The following DPT variants were observed in gnomAD, a reference collection of about 807,000 sequenced individuals.
DPT encodes the protein dermatopontin.
In DPT, 21 loss-of-function variants were observed where a neutral mutation model predicts 31.2. That is an observed-to-expected ratio of 0.67 (90% CI 0.48 to 0.97). The LOEUF is 0.97. DPT is among the 50% of genes least tolerant of loss of function. The pLI, the probability that DPT is intolerant of heterozygous loss-of-function variation, is 0.00. For missense variants in DPT, 262 were observed against 258.8 expected, an observed-to-expected ratio of 1.01 and a Z score of -0.08; for synonymous variants, 91 against 86.9, an observed-to-expected ratio of 1.05 and a Z score of -0.26.
chr1:168,722,351 G>T lies in DPT; in HGVS notation c.305+6519C>A, dbSNP rs367832983. ...AAAAGCAAAATGATATATTTCAGAGGCTCTGTAATCTAGCAATTTGGTTTT... is the reference window on the plus strand; with the variant it reads ...AAAAGCAAAATGATATATTTCAGAGTCTCTGTAATCTAGCAATTTGGTTTT... On this transcript the variant is annotated intron_variant, in intron 1 of 3. Coordinates refer to ENST00000367817, the MANE Select transcript of DPT (RefSeq NM_001937.5). Among the ~76,000 whole-genome samples, 146 of 152,168 alleles carry T rather than the reference G, an allele frequency of 9.6e-4. 1 individual carries two copies. The highest frequency in any genetic ancestry group is 9.5e-3 in the Admixed American group (145 of 15,288).
At chr1:168,720,815 G>A (rs558690944) in intron 1 of DPT, among the ~76,000 whole-genome samples, 1 of 152,216 alleles carries the variant, frequency 6.6e-6, no homozygotes, top group Non-Finnish European at 1.5e-5. Flanking sequence ...CTTTCTTTTA[G>A]AGTAAAGCTT....
intron 1 of DPT, among the ~76,000 whole-genome samples, chr1:168,722,769 G>T (rs569618318): frequency 3.3e-5 from 5 of 152,082 alleles, no homozygotes; most frequent in African/African-American, 9.6e-5. Flanking sequence ...GGTAGTAGTG[G>T]GGTCAGTGGG....
intron 1 of DPT, among the ~76,000 whole-genome samples, chr1:168,716,886 A>C (rs1436583413): frequency 6.6e-6 from 1 of 152,180 alleles, no homozygotes; most frequent in Non-Finnish European, 1.5e-5. Context: ...ACATGATCTC[A>C]TTCATTTTTA....
intron 3 of DPT, among the ~76,000 whole-genome samples, chr1:168,697,345 G>A (rs976934692): frequency 5.3e-5 from 8 of 152,326 alleles, no homozygotes; most frequent in African/African-American, 1.9e-4. Context: ...TATGCTGAGT[G>A]CTCACCATGC....
At chr1:168,704,942 G>A (rs562959610) in intron 2 of DPT, among the ~76,000 whole-genome samples, 66 of 152,282 alleles carry the variant, frequency 4.3e-4, no homozygotes, top group African/African-American at 1.5e-3. Context: ...ATCATAGACT[G>A]AGCTGCTGCT....
chr1:168,696,632 C>A lies in DPT; in HGVS notation c.540-17G>T. ...TGGCGATCCCTGTGGGAGGGAGAGT[C>A]AGAAAATGAATGTCAGTGAGAAAGG... On this transcript the variant is annotated splice_polypyrimidine_tract_variant and intron_variant, in intron 3 of 3. Coordinates refer to ENST00000367817, the MANE Select transcript of DPT (RefSeq NM_001937.5). The A allele has an allele frequency of 6.2e-7, 1 of 1,611,810 alleles. No homozygotes were observed. The highest frequency in any genetic ancestry group is 8.5e-7 in the Non-Finnish European group (1 of 1,178,346).
chr1:168,714,898 C>T (rs1316222047), intron 1 of DPT, among the ~76,000 whole-genome samples: 2 of 152,228 alleles, frequency 1.3e-5, no homozygotes, highest in Non-Finnish European at 2.9e-5. Context: ...CAGGGCAGCC[C>T]AGTAGGAAAG....
intron 1 of DPT, among the ~76,000 whole-genome samples, chr1:168,725,073 G>A (rs1650208233): frequency 6.6e-6 from 1 of 152,202 alleles, no homozygotes; most frequent in Non-Finnish European, 1.5e-5. Flanking sequence ...TGCCCATGAT[G>A]TGCTAGGCAT....
intron 1 of DPT, among the ~76,000 whole-genome samples, chr1:168,722,700 G>A (rs1330826030): frequency 6.6e-6 from 1 of 152,134 alleles, no homozygotes; most frequent in Non-Finnish European, 1.5e-5. Flanking sequence ...AACAGTTCTA[G>A]GGAGGTGTGT....
intron 1 of DPT, among the ~76,000 whole-genome samples, chr1:168,721,654 A>C (rs1469302817): frequency 6.6e-6 from 1 of 152,200 alleles, no homozygotes; most frequent in Non-Finnish European, 1.5e-5. Flanking sequence ...TGACAATTCC[A>C]AATCATACTA....
chr1:168,718,343 T>G (rs917567038), intron 1 of DPT, among the ~76,000 whole-genome samples: 1 of 152,248 alleles, frequency 6.6e-6, no homozygotes, highest in African/African-American at 2.4e-5. Context: ...CTGGCCCCAG[T>G]GCCTGTACGG....
chr1:168,728,009 G>T (rs1469516758), intron 1 of DPT, among the ~76,000 whole-genome samples: 2 of 152,042 alleles, frequency 1.3e-5, no homozygotes, highest in African/African-American at 4.8e-5. Flanking sequence ...CTCCATCTAG[G>T]CTGTTGTAAA....
At chr1:168,714,433 C>A in intron 1 of DPT, 87 bp from the exon 2 acceptor site, 1 of 1,492,830 alleles carries the variant, frequency 6.7e-7, no homozygotes, top group South Asian at 1.2e-5. Context: ...GTTACACACT[C>A]TTTCTCTGAC....
chr1:168,708,622 G>A lies in DPT; in HGVS notation c.431+5599C>T, dbSNP rs147139231. On this transcript the variant is annotated intron_variant, in intron 2 of 3. Coordinates refer to ENST00000367817, the MANE Select transcript of DPT (RefSeq NM_001937.5). Reference sequence around the variant, plus strand: ...CTAGGGTACATGTGCACAATGTGCAGTTTGTTACATATGTATACATGCGCC... The same window carrying A: ...CTAGGGTACATGTGCACAATGTGCAATTTGTTACATATGTATACATGCGCC... Among the ~76,000 whole-genome samples the A allele has an allele frequency of 3.6e-3, 550 of 152,248 alleles. 2 individuals are homozygous for A. The highest frequency in any genetic ancestry group is 0.01 in the African/African-American group (436 of 41,550).
At chr1:168,702,091 C>T (rs1649611260) in intron 2 of DPT, among the ~76,000 whole-genome samples, 1 of 152,174 alleles carries the variant, frequency 6.6e-6, no homozygotes, top group African/African-American at 2.4e-5. Flanking sequence ...CCACTGGAAC[C>T]TTCAGGACCA....
intron 2 of DPT, among the ~76,000 whole-genome samples, chr1:168,711,698 TG>T (rs1463535940): frequency 6.6e-6 from 1 of 152,212 alleles, no homozygotes; most frequent in African/African-American, 2.4e-5. Flanking sequence ...TTGAATGTCC[TG>T]TTAGTTGGTG....
At chr1:168,696,741 C>CTT (rs1388086866) in intron 3 of DPT, 126 bp from the exon 4 acceptor site, 2 of 789,150 alleles carry the variant, frequency 2.5e-6, no homozygotes, top group Non-Finnish European at 4.1e-6. Context: ...CTTAATCTCA[C>CTT]TTTGCTCTTA....
chr1:168,697,223 C>T (rs1649486145), intron 3 of DPT, among the ~76,000 whole-genome samples: 1 of 152,152 alleles, frequency 6.6e-6, no homozygotes, highest in Admixed American at 6.5e-5. Flanking sequence ...GAGATGGTGC[C>T]ACTGCACTCC....
chr1:168,702,245 C>A (rs1223446707), intron 2 of DPT, among the ~76,000 whole-genome samples: 1 of 152,204 alleles, frequency 6.6e-6, no homozygotes, highest in Non-Finnish European at 1.5e-5. Context: ...CTAGAAAGAT[C>A]TTCTCCTCTG....
Sources: allele counts gnomAD v4.1 joint callset (sites outside exome capture counted in the v4.1 genomes callset), GRCh38; gene constraint gnomAD v4.1.1; transcripts MANE v1.5; gene names NCBI Gene and HGNC (gene_info 2026-07-23, HGNC 2026-07-21).